CSMD1: variants seen among roughly 807,000 people sequenced by gnomAD.
CSMD1 encodes CUB and sushi domain-containing protein 1.
Under a neutral mutation model 417.5 loss-of-function variants are expected in CSMD1, and 213 were observed. That is an observed-to-expected ratio of 0.51 (90% CI 0.46 to 0.57). The LOEUF (loss-of-function observed/expected upper bound fraction) is 0.57. Among genes scored for constraint, CSMD1 ranks in the 20% least tolerant of loss-of-function variants. The probability of loss-of-function intolerance (pLI) is 0.00; values close to 1 mark genes in which losing one functional copy is unlikely to be tolerated. For missense variants in CSMD1, 6,923 were observed against 4,529.7 expected (o/e 1.53, Z -15.17); for synonymous variants, 2,862 against 1,736.8 (o/e 1.65, Z -16.11).
intron 52 of CSMD1, among the ~76,000 whole-genome samples, chr8:3,003,808 A>G (rs1057263065): frequency 6.6e-6 from 1 of 152,208 alleles, no homozygotes; most frequent in Non-Finnish European, 1.5e-5. Flanking sequence ...CTGAAGGATG[A>G]GCGCTTGTTA....
intron 3 of CSMD1, among the ~76,000 whole-genome samples, chr8:4,253,907 C>CTTTT (rs147795407): frequency 2.5e-5 from 2 of 80,952 alleles, no homozygotes; most frequent in African/African-American, 8.7e-5. Flanking sequence ...TTCCTTCCAT[C>CTTTT]TTTTTTTTTT....
At chr8:3,677,725 T>G (rs1002632726) in intron 7 of CSMD1, among the ~76,000 whole-genome samples, 11 of 152,162 alleles carry the variant, frequency 7.2e-5, no homozygotes, top group Non-Finnish European at 1.2e-4. Context: ...GAAGTCTGTC[T>G]TTTGGAAAAA....
intron 4 of CSMD1, among the ~76,000 whole-genome samples, chr8:4,028,047 G>A (rs183880787): frequency 6.6e-6 from 1 of 152,104 alleles, no homozygotes; most frequent in Non-Finnish European, 1.5e-5. Flanking sequence ...TTTAGGTTTT[G>A]AGGCCACCAC....
intron 7 of CSMD1, among the ~76,000 whole-genome samples, chr8:3,637,422 T>C (rs958517085): frequency 6.6e-6 from 1 of 152,190 alleles, no homozygotes; most frequent in Non-Finnish European, 1.5e-5. Flanking sequence ...AATTAAATAA[T>C]GTATTTGAAT....
At chr8:4,258,700 C>T (rs1346115423) in intron 3 of CSMD1, among the ~76,000 whole-genome samples, 1 of 151,830 alleles carries the variant, frequency 6.6e-6, no homozygotes, top group African/African-American at 2.4e-5. Flanking sequence ...CTCCAAATAC[C>T]ATCACACTGG....
At chr8:3,932,163 C>G (rs142461671) in intron 5 of CSMD1, among the ~76,000 whole-genome samples, 5 of 150,308 alleles carry the variant, frequency 3.3e-5, no homozygotes, top group African/African-American at 1.2e-4. Context: ...GAATGAAACT[C>G]AGATATTCCT....
At chr8:4,001,759 A>C (rs1400260238) in intron 4 of CSMD1, among the ~76,000 whole-genome samples, 1 of 152,228 alleles carries the variant, frequency 6.6e-6, no homozygotes, top group African/African-American at 2.4e-5. Flanking sequence ...AATCCAGGTA[A>C]GACCAGAGCA....
rs375863777 is a variant in CSMD1 at position 3,665,086 on chromosome 8, T to A, written c.1009+43328A>T. On this transcript the variant is annotated intron_variant, in intron 7 of 69. Coordinates refer to ENST00000635120, the MANE Select transcript of CSMD1 (RefSeq NM_033225.6). ...TGACATTCAAGAAACATCCATAACC[T>A]AAGAGGTTAACAATGCTTATAATAA... is the stretch of plus-strand genomic sequence containing the variant. Among the ~76,000 whole-genome samples the A allele has an allele frequency of 7.9e-5, 12 of 152,280 alleles. No individual in the cohort carries two copies. The East Asian group carries it at 1.7e-3, about 22-fold the overall frequency.
chr8:3,450,631 A>G (rs1478870258), intron 12 of CSMD1, among the ~76,000 whole-genome samples: 1 of 151,844 alleles, frequency 6.6e-6, no homozygotes, highest in East Asian at 1.9e-4. Flanking sequence ...ATGTCCCTAT[A>G]AAGGACATGA....
At chr8:4,408,413 T>C (rs892081995) in intron 3 of CSMD1, among the ~76,000 whole-genome samples, 1 of 152,234 alleles carries the variant, frequency 6.6e-6, no homozygotes, top group Admixed American at 6.5e-5. Context: ...GATTCTCCAT[T>C]GATCAGGTTT....
chr8:4,838,009 T>A (rs985019385), intron 1 of CSMD1, among the ~76,000 whole-genome samples: 1 of 152,130 alleles, frequency 6.6e-6, no homozygotes, highest in Non-Finnish European at 1.5e-5. Context: ...TTCTCTCTGT[T>A]CTATGGGCCC....
At chr8:3,903,208 C>G (rs919766041) in intron 5 of CSMD1, among the ~76,000 whole-genome samples, 1 of 152,100 alleles carries the variant, frequency 6.6e-6, no homozygotes, top group African/African-American at 2.4e-5. Context: ...CAGTGTGACT[C>G]TGCACCAGTG....
chr8:4,543,922 G>A (rs982560532), intron 2 of CSMD1, among the ~76,000 whole-genome samples: 4 of 152,068 alleles, frequency 2.6e-5, no homozygotes, highest in South Asian at 2.1e-4. Context: ...TTTGACATCT[G>A]TTTATCATCT....
At chr8:4,826,543 A>G (rs1275816536) in intron 1 of CSMD1, among the ~76,000 whole-genome samples, 1 of 152,168 alleles carries the variant, frequency 6.6e-6, no homozygotes, top group African/African-American at 2.4e-5. Context: ...TTACGTGTCT[A>G]TAATGCGTAG....
At position 4,666,011 on chromosome 8, in the gene CSMD1, A is replaced by C. The variant is rs372374218; in HGVS notation, c.86-28453T>G. ...GCATGAACTCTGCATCGGCAGCAGC[A>C]CTTGTTGTTGTCATTTTTTTTGTTT... On this transcript the variant is annotated intron_variant, in intron 1 of 69. Transcript: ENST00000635120. Among the ~76,000 whole-genome samples the C allele has an allele frequency of 2.0e-4, 31 of 152,140 alleles. 1 individual carries two copies. The highest frequency in any genetic ancestry group is 1.5e-3 in the Admixed American group (23 of 15,274).
At chr8:4,948,592 T>G (rs957643800) in intron 1 of CSMD1, among the ~76,000 whole-genome samples, 11 of 152,090 alleles carry the variant, frequency 7.2e-5, no homozygotes, top group Admixed American at 1.3e-4. Flanking sequence ...ATTCTTATTT[T>G]CAATGGTGTC....
chr8:4,299,040 A>C (rs2128872008), intron 3 of CSMD1, among the ~76,000 whole-genome samples: 1 of 152,276 alleles, frequency 6.6e-6, no homozygotes, highest in African/African-American at 2.4e-5. Flanking sequence ...AAAGAACTGT[A>C]GGAAATAAAT....
chr8:4,468,312 T>C (rs116565573), intron 2 of CSMD1, among the ~76,000 whole-genome samples: 3,410 of 149,430 alleles, frequency 0.023, 136 homozygotes, highest in African/African-American at 0.077. Context: ...TCTTCTGTTA[T>C]TGACTGGGCG....
At chr8:3,982,178 TAATAATAATAATATTAATAAA>T (rs1447799920) in intron 5 of CSMD1, among the ~76,000 whole-genome samples, 1 of 130,366 alleles carries the variant, frequency 7.7e-6, no homozygotes, top group Admixed American at 8.7e-5. Context: ...ATAATAATAA[TAATAATAATAATATTAATAAA>T]AAAAATAATA....
Sources: gnomAD v4.1 joint callset for allele counts (sites outside exome capture counted in the v4.1 genomes callset) on GRCh38, gnomAD v4.1.1 for gene constraint, MANE v1.5 for transcripts, NCBI Gene and HGNC (gene_info 2026-07-23, HGNC 2026-07-21) for gene names.